Variants in POLD3 observed in about 807,000 individuals in gnomAD.
POLD3 encodes the protein DNA polymerase delta subunit 3.
A neutral mutation model predicts 58.2 loss-of-function variants in POLD3; 19 were observed. The observed-to-expected ratio is 0.33, with a 90% CI of 0.23 to 0.48. POLD3 has a LOEUF of 0.48. POLD3 is among the 20% of genes least tolerant of loss of function. The pLI, the probability that POLD3 is intolerant of heterozygous loss-of-function variation, is 0.99. For synonymous variants in POLD3, 172 were observed against 193.5 expected (o/e 0.89, Z 0.92); for missense variants, 504 against 545.5 (o/e 0.92, Z 0.76).
chr11:74,641,631 A>C lies in POLD3; in HGVS notation c.*865A>C. 2.0e-6 allele frequency: 2 copies of C among 985,406 alleles called. No individual in the cohort carries two copies. The highest frequency in any genetic ancestry group is 2.4e-6 in the Non-Finnish European group (2 of 829,904). 61.0% of individuals were successfully genotyped at this position (985,406 alleles called of 1,614,324 possible). On this transcript the variant is annotated 3_prime_UTR_variant, in exon 12 of 12. Coordinates refer to ENST00000263681, the MANE Select transcript of POLD3 (RefSeq NM_006591.3). ...ATACCTAGAGAGTGAAACCCGTACA[A>C]TGAGATAAAGACTAAAAAGAGAAAT...
At chr11:74,636,365 A>C in intron 11 of POLD3, 90 bp downstream of exon 11, 1 of 1,269,432 alleles carries the variant, frequency 7.9e-7, no homozygotes, top group Non-Finnish European at 1.1e-6. Context: ...GTACATCTCA[A>C]ACTTTAATTT....
rs2031963392 is a variant in POLD3, at chr11:74,612,951, T to C, written c.333T>C (p.Ser111=). 1 of 1,613,796 alleles carries C rather than the reference T, an allele frequency of 6.2e-7. No individual in the cohort carries two copies. Among genetic ancestry groups the C allele is most frequent in the South Asian group, 1.1e-5 (1 of 91,074 alleles). The part of the protein sequence containing the change: ...YSIQKAMLKD[S]GPLFNTDYDI... ...TCCAGAAAGCCATGCTAAAGGACAGTGGGCCTCTGTTCAATACTGACTATG... is the reference window on the plus strand; with the variant it reads ...TCCAGAAAGCCATGCTAAAGGACAGCGGGCCTCTGTTCAATACTGACTATG... The change falls in exon 5 of 12, where the codon AGT becomes AGC. Residue 111 remains serine (S), a synonymous_variant. Coordinates refer to ENST00000263681, the MANE Select transcript of POLD3 (RefSeq NM_006591.3).
chr11:74,613,927 A>T (rs983963078), intron 5 of POLD3, among the ~76,000 whole-genome samples: 3 of 152,166 alleles, frequency 2.0e-5, no homozygotes, highest in Middle Eastern at 3.2e-3. Flanking sequence ...GACTGTTATG[A>T]CTTATGACAC....
chr11:74,615,453 G>A (rs1168590756), intron 5 of POLD3, among the ~76,000 whole-genome samples: 2 of 152,190 alleles, frequency 1.3e-5, no homozygotes, highest in Non-Finnish European at 2.9e-5. Flanking sequence ...AATTGTCCAT[G>A]ACATTTAGTG....
At chr11:74,607,844 C>G (rs2031750653) in intron 3 of POLD3, among the ~76,000 whole-genome samples, 1 of 152,052 alleles carries the variant, frequency 6.6e-6, no homozygotes, top group Non-Finnish European at 1.5e-5. Flanking sequence ...GTGATCTGCC[C>G]TTCTCGGCCT....
intron 4 of POLD3, among the ~76,000 whole-genome samples, chr11:74,649,093 A>G (rs1345747610): frequency 6.6e-6 from 1 of 152,160 alleles, no homozygotes; most frequent in Non-Finnish European, 1.5e-5. Flanking sequence ...GGTTTCACCA[A>G]GGATTCATGT....
chr11:74,662,836 T>C (rs2033220827), intron 4 of POLD3, among the ~76,000 whole-genome samples: 1 of 152,160 alleles, frequency 6.6e-6, no homozygotes, highest in Non-Finnish European at 1.5e-5. Flanking sequence ...TGCTGAGGCT[T>C]CCCTAAACTC....
At chr11:74,625,602 A>G in intron 8 of POLD3, 29 bp downstream of exon 8, 4 of 1,590,700 alleles carry the variant, frequency 2.5e-6, no homozygotes, top group Non-Finnish European at 3.4e-6. Context: ...TTATTGGGGA[A>G]GAGTCTTTAC....
intron 7 of POLD3, among the ~76,000 whole-genome samples, chr11:74,622,348 C>T (rs2032290523): frequency 6.6e-6 from 1 of 151,656 alleles, no homozygotes; most frequent in Non-Finnish European, 1.5e-5. Flanking sequence ...CATGTAAGAC[C>T]CCATTTCTTA....
intron 4 of POLD3, among the ~76,000 whole-genome samples, chr11:74,666,811 A>T (rs1490228607): frequency 4.6e-5 from 7 of 152,198 alleles, no homozygotes; most frequent in Non-Finnish European, 1.0e-4. Flanking sequence ...AAAAGTGGAG[A>T]AATCCTTCTT....
chr11:74,634,484 C>G (rs778199625), intron 9 of POLD3, 99 bp from the exon 10 acceptor site: 1 of 688,438 alleles, frequency 1.5e-6, no homozygotes, highest in Admixed American at 2.1e-5. Flanking sequence ...CTTGCTAAAT[C>G]CCCTTTGCTG....
intron 5 of POLD3, among the ~76,000 whole-genome samples, chr11:74,616,980 A>G (rs889418001): frequency 4.6e-5 from 7 of 152,186 alleles, no homozygotes; most frequent in African/African-American, 1.4e-4. Flanking sequence ...CGTTTCCAGC[A>G]CTTTTCTATG....
At chr11:74,667,487 G>A (rs182650668) in intron 4 of POLD3, among the ~76,000 whole-genome samples, 145 of 152,238 alleles carry the variant, frequency 9.5e-4, no homozygotes, top group African/African-American at 3.3e-3. Flanking sequence ...CCGAGATCGC[G>A]CCACTGCACT....
At chr11:74,659,326 C>T (rs186731615) in intron 4 of POLD3, among the ~76,000 whole-genome samples, 243 of 152,210 alleles carry the variant, frequency 1.6e-3, no homozygotes, top group Non-Finnish European at 3.0e-3. Context: ...CCACTTTTTC[C>T]TCCTGGGCCT....
rs189811270 is a variant in POLD3, at chr11:74,636,400, A to C, written c.1198+125A>C. 132 of 846,844 alleles carry C rather than the reference A, an allele frequency of 1.6e-4. 1 individual carries two copies. In the African/African-American group the frequency reaches 2.0e-3, roughly 13 times the overall value. 52.5% of individuals were successfully genotyped at this position (846,844 alleles called of 1,614,324 possible). On this transcript the variant is annotated intron_variant, in intron 11 of 11. Coordinates refer to ENST00000263681, the MANE Select transcript of POLD3 (RefSeq NM_006591.3). ...TACATGTGAATCATGCCCAAGTGGT[A>C]CTGATGCTGTTTGTCTATGGCATAC...
intron 5 of POLD3, 150 bp downstream of exon 5, chr11:74,613,160 A>G (rs1477035021): frequency 4.2e-6 from 3 of 711,744 alleles, no homozygotes; most frequent in Non-Finnish European, 7.0e-6. Context: ...TTAGTACATC[A>G]TAAGGTGAAA....
At chr11:74,623,413 C>T (rs978247159) in intron 7 of POLD3, among the ~76,000 whole-genome samples, 2 of 151,910 alleles carry the variant, frequency 1.3e-5, no homozygotes, top group Non-Finnish European at 2.9e-5. Flanking sequence ...CCAGCCTGGG[C>T]GACAGAGAAA....
At chr11:74,667,943 A>G (rs2033292611) in intron 4 of POLD3, among the ~76,000 whole-genome samples, 1 of 152,256 alleles carries the variant, frequency 6.6e-6, no homozygotes, top group African/African-American at 2.4e-5. Context: ...TATACAAATG[A>G]CCAACAAACA....
At chr11:74,658,117 G>A (rs1565135185) in intron 4 of POLD3, among the ~76,000 whole-genome samples, 1 of 152,142 alleles carries the variant, frequency 6.6e-6, no homozygotes, top group Non-Finnish European at 1.5e-5. Context: ...AGGTTTAATT[G>A]GACTTAGAGT....
Sources: gnomAD v4.1 joint callset for allele counts (sites outside exome capture counted in the v4.1 genomes callset) on GRCh38, gnomAD v4.1.1 for gene constraint, MANE v1.5 for transcripts, NCBI Gene and HGNC (gene_info 2026-07-23, HGNC 2026-07-21) for gene names.